The following SETD7 variants were observed in gnomAD, a reference collection of about 807,000 sequenced individuals.
SETD7 encodes histone-lysine N-methyltransferase SETD7.
SETD7 carries 16 observed loss-of-function variants against 41.8 expected under a neutral mutation model. The ratio of observed to expected loss-of-function variants is 0.38; its 90% confidence interval spans 0.26 to 0.58. The LOEUF (loss-of-function observed/expected upper bound fraction) is 0.58, where lower values mean the gene tolerates loss of function less well. Ranked by LOEUF, SETD7 falls within the 20% of genes least tolerant of loss-of-function variation. SETD7 has a pLI of 0.64. For missense variants in SETD7, 346 were observed against 459.7 expected (o/e 0.75, Z 2.26); for synonymous variants, 163 against 169.7 (o/e 0.96, Z 0.31).
chr4:139,536,663 A>ATT (rs1727646019), intron 2 of SETD7, among the ~76,000 whole-genome samples: 1 of 147,774 alleles, frequency 6.8e-6, no homozygotes, highest in Non-Finnish European at 1.5e-5. Flanking sequence ...AGTGAGCTGA[A>ATT]ATTGTGCCAC....
chr4:139,551,717 C>G (rs1303746136), intron 1 of SETD7, among the ~76,000 whole-genome samples: 1 of 152,094 alleles, frequency 6.6e-6, no homozygotes, highest in Non-Finnish European at 1.5e-5. Context: ...TAGAACATTG[C>G]TTTAAAAAAC....
At chr4:139,532,686 A>T in intron 3 of SETD7, 1 of 172,358 alleles carries the variant, frequency 5.8e-6, no homozygotes, top group Non-Finnish European at 1.2e-5. Context: ...AATATAAACC[A>T]TAAAATACCT....
chr4:139,500,406 C>T (rs1290273271), intron 7 of SETD7, among the ~76,000 whole-genome samples: 1 of 152,230 alleles, frequency 6.6e-6, no homozygotes, highest in Non-Finnish European at 1.5e-5. Context: ...TGTCATTCTT[C>T]TGTTGAGATC....
intron 7 of SETD7, among the ~76,000 whole-genome samples, chr4:139,497,942 C>T (rs113140769): frequency 6.6e-6 from 1 of 152,068 alleles, no homozygotes; most frequent in Non-Finnish European, 1.5e-5. Flanking sequence ...GAGAATAAAT[C>T]CTCACCACAA....
rs1726736804 is a variant in SETD7 at position 139,507,428 on chromosome 4, CTTT to C, written c.*4232_*4234del. ...TGCTGAGAGTCAGAGTTATTGTAGG[CTTT>C]TGATTTTTAAAAATCAAAATTGATC... On this transcript the variant is annotated 3_prime_UTR_variant, in exon 8 of 8. Coordinates refer to ENST00000274031, the MANE Select transcript of SETD7 (RefSeq NM_030648.4). 2 of 152,600 alleles carry C rather than the reference CTTT, an allele frequency of 1.3e-5. No individual in the cohort carries two copies. The highest frequency in any genetic ancestry group is 4.1e-4 in the South Asian group (2 of 4,832). 9.5% of individuals were successfully genotyped at this position (152,600 alleles called of 1,614,324 possible).
chr4:139,495,611 A>G (rs537447679), downstream of SETD7, among the ~76,000 whole-genome samples: 1 of 152,312 alleles, frequency 6.6e-6, no homozygotes, highest in South Asian at 2.1e-4. Context: ...ATCAGGTCTC[A>G]TGAGAACTCC....
chr4:139,536,202 G>A (rs971773381), intron 2 of SETD7, among the ~76,000 whole-genome samples: 3 of 152,038 alleles, frequency 2.0e-5, no homozygotes, highest in Admixed American at 6.6e-5. Flanking sequence ...TGCTCATATC[G>A]AAAGTTTACT....
In SETD7 at chr4:139,500,381, G is replaced by A. The variant is rs539227717; in HGVS notation, c.921-3860C>T. Among the ~76,000 whole-genome samples the A allele has an allele frequency of 2.7e-4, 41 of 152,264 alleles. No individual in the cohort carries two copies. The South Asian group carries it at 7.5e-3, about 28-fold the overall frequency. ...AACAGCCTGAGTGATCCTTTTACAC[G>A]TGGGAGGAAGATCTTGTCATTCTTC... On this transcript the variant is annotated intron_variant, in intron 7 of 7. Transcript: ENST00000506866.
At chr4:139,501,113 G>T (rs1726566568), downstream of SETD7, among the ~76,000 whole-genome samples, 1 of 151,936 alleles carries the variant, frequency 6.6e-6, no homozygotes, top group African/African-American at 2.4e-5. Flanking sequence ...TCCTCTCTTT[G>T]TCCCATACCA....
At chr4:139,543,962 T>TCAAACAAA (rs10684792) in intron 2 of SETD7, among the ~76,000 whole-genome samples, 31,324 of 148,066 alleles carry the variant, frequency 0.21, 3,646 homozygotes, top group East Asian at 0.35. Context: ...AGACTCCATC[T>TCAAACAAA]CAAACAAACA....
At chr4:139,527,756 A>G (rs937396180) in intron 4 of SETD7, among the ~76,000 whole-genome samples, 6 of 152,222 alleles carry the variant, frequency 3.9e-5, no homozygotes, top group African/African-American at 1.4e-4. Context: ...TACTATGTAC[A>G]AAACTCTAGA....
At chr4:139,505,360 A>G (rs1208205081), downstream of SETD7, among the ~76,000 whole-genome samples, 2 of 152,190 alleles carry the variant, frequency 1.3e-5, no homozygotes, top group African/African-American at 4.8e-5. Flanking sequence ...AGGCCAAGGC[A>G]GGCAGATCAC....
In SETD7 at chr4:139,507,932, A is replaced by G. The variant is rs1271254950; in HGVS notation, c.*3731T>C. On this transcript the variant is annotated 3_prime_UTR_variant, in exon 8 of 8. Transcript: ENST00000274031. ...AAAGATATCTGGATTCTAAGTCACT[A>G]CTCTTAAGACAGAAGCTTGAGGCAA... 6.6e-6 allele frequency: 1 copy of G among 152,212 alleles called. No homozygotes were observed. The highest frequency in any genetic ancestry group is 1.5e-5 in the Non-Finnish European group (1 of 68,042). The allele number at this position is 152,212 out of a possible 1,614,324, so 9.4% of individuals were successfully genotyped here.
downstream of SETD7, among the ~76,000 whole-genome samples, chr4:139,494,051 T>G (rs1726407682): frequency 6.6e-6 from 1 of 152,198 alleles, no homozygotes; most frequent in Admixed American, 6.5e-5. Context: ...AATGTAATTA[T>G]TTTAGGCACA....
At chr4:139,524,998 G>A (rs1189527751) in intron 4 of SETD7, among the ~76,000 whole-genome samples, 1 of 152,126 alleles carries the variant, frequency 6.6e-6, no homozygotes, top group Non-Finnish European at 1.5e-5. Context: ...TGTATTTTCA[G>A]TAGAGATGGG....
intron 2 of SETD7, among the ~76,000 whole-genome samples, chr4:139,544,826 GTGTT>G (rs1329090008): frequency 6.7e-6 from 1 of 150,234 alleles, no homozygotes; most frequent in African/African-American, 2.5e-5. Flanking sequence ...GTGTGTGTGT[GTGTT>G]TGTGTGTGGA....
At chr4:139,516,786 A>G (rs976617372) in intron 7 of SETD7, among the ~76,000 whole-genome samples, 7 of 152,198 alleles carry the variant, frequency 4.6e-5, no homozygotes, top group Non-Finnish European at 1.0e-4. Context: ...CAACCACTGA[A>G]TATCACAAAT....
downstream of SETD7, among the ~76,000 whole-genome samples, chr4:139,503,898 G>C (rs976192525): frequency 3.3e-5 from 5 of 152,318 alleles, no homozygotes; most frequent in Non-Finnish European, 2.9e-5. Context: ...AGTTTCCTCA[G>C]TGATAGAGGC....
chr4:139,505,746 C>G (rs1434419002), downstream of SETD7, among the ~76,000 whole-genome samples: 1 of 152,132 alleles, frequency 6.6e-6, no homozygotes, highest in Non-Finnish European at 1.5e-5. Context: ...AGTTTCCTTT[C>G]AGCTATTTGC....
Sources: allele counts gnomAD v4.1 joint callset (sites outside exome capture counted in the v4.1 genomes callset), GRCh38; gene constraint gnomAD v4.1.1; transcripts MANE v1.5; gene names NCBI Gene and HGNC (gene_info 2026-07-23, HGNC 2026-07-21).